The following KCNMA1 variants were observed in gnomAD, a reference collection of about 807,000 sequenced individuals.
The protein encoded by KCNMA1 is potassium calcium-activated channel subfamily M alpha 1.
Under a neutral mutation model 140.0 loss-of-function variants are expected in KCNMA1, and 29 were observed. The observed-to-expected ratio is 0.21, with a 90% CI of 0.15 to 0.28. The LOEUF (loss-of-function observed/expected upper bound fraction) is 0.28, where lower values mean the gene tolerates loss of function less well. Ranked by LOEUF, KCNMA1 falls within the 10% of genes least tolerant of loss-of-function variation. The pLI, the probability that KCNMA1 is intolerant of heterozygous loss-of-function variation, is 1.00. For missense variants in KCNMA1, 880 were observed against 1,602.2 expected (o/e 0.55, Z 7.70); for synonymous variants, 612 against 611.9 (o/e 1.00, Z 0.00).
intron 1 of KCNMA1, among the ~76,000 whole-genome samples, chr10:77,523,543 A>G (rs79759825): frequency 0.03 from 4,506 of 152,340 alleles, 243 homozygotes; most frequent in African/African-American, 0.1. Context: ...GATGCTGGAG[A>G]AGAGAAATGC....
chr10:77,611,043 T>C (rs914385704), intron 1 of KCNMA1, among the ~76,000 whole-genome samples: 3 of 152,184 alleles, frequency 2.0e-5, no homozygotes, highest in African/African-American at 4.8e-5. Flanking sequence ...TGTCTGTAAA[T>C]GGGGGTGATA....
chr10:77,008,994 C>A (rs547824334), intron 18 of KCNMA1, among the ~76,000 whole-genome samples: 2 of 152,228 alleles, frequency 1.3e-5, no homozygotes, highest in Non-Finnish European at 2.9e-5. Flanking sequence ...TCTAACCACC[C>A]CCTCACCTCA....
intron 22 of KCNMA1, among the ~76,000 whole-genome samples, chr10:76,945,501 C>T (rs1022635138): frequency 6.6e-6 from 1 of 151,820 alleles, no homozygotes; most frequent in African/African-American, 2.4e-5. Flanking sequence ...AATTTGGAGG[C>T]TATGGATGGA....
At chr10:77,412,840 CT>C (rs1363100652) in intron 1 of KCNMA1, among the ~76,000 whole-genome samples, 1 of 151,834 alleles carries the variant, frequency 6.6e-6, no homozygotes, top group Non-Finnish European at 1.5e-5. Context: ...CCCATGTTAG[CT>C]TTTTTTTGTT....
At chr10:77,342,755 G>A (rs193191371) in intron 2 of KCNMA1, among the ~76,000 whole-genome samples, 1 of 152,358 alleles carries the variant, frequency 6.6e-6, no homozygotes, top group East Asian at 1.9e-4. Context: ...GGTATAATCA[G>A]AAGCTAATGT....
intron 1 of KCNMA1, among the ~76,000 whole-genome samples, chr10:77,502,865 C>T (rs2044413685): frequency 2.0e-5 from 3 of 152,194 alleles, no homozygotes. Context: ...CTGGAAGTCA[C>T]TATAATAAAA....
intron 1 of KCNMA1, among the ~76,000 whole-genome samples, chr10:77,467,357 T>C (rs1364354727): frequency 6.6e-6 from 1 of 152,208 alleles, no homozygotes; most frequent in Non-Finnish European, 1.5e-5. Context: ...AAAGTCCGTC[T>C]CCGAAGCAGT....
At chr10:77,344,450 C>A (rs1014663064) in intron 2 of KCNMA1, among the ~76,000 whole-genome samples, 1 of 152,210 alleles carries the variant, frequency 6.6e-6, no homozygotes, top group Non-Finnish European at 1.5e-5. Context: ...ATTTGTGAGA[C>A]ATACTGATTC....
chr10:77,172,097 A>G (rs10509382), intron 5 of KCNMA1, among the ~76,000 whole-genome samples: 36,347 of 152,024 alleles, frequency 0.24, 5,559 homozygotes, highest in Non-Finnish European at 0.33. Flanking sequence ...TTTTCTCCCT[A>G]TCTGATCTGC....
chr10:77,318,440 C>T (rs1275765667), intron 2 of KCNMA1, among the ~76,000 whole-genome samples: 6 of 152,206 alleles, frequency 3.9e-5, no homozygotes, highest in African/African-American at 1.4e-4. Flanking sequence ...ACGGCTCACA[C>T]CACCATGGAC....
chr10:77,580,800 A>G (rs1467294566), intron 1 of KCNMA1, among the ~76,000 whole-genome samples: 3 of 152,244 alleles, frequency 2.0e-5, no homozygotes, highest in Non-Finnish European at 4.4e-5. Flanking sequence ...TCTTTTGCCA[A>G]TGACCCAAAA....
intron 12 of KCNMA1, among the ~76,000 whole-genome samples, chr10:77,083,712 A>G (rs2096632463): frequency 6.6e-6 from 1 of 151,752 alleles, no homozygotes; most frequent in Non-Finnish European, 1.5e-5. Flanking sequence ...GCACATTCCT[A>G]TAGCCTCGGC....
intron 19 of KCNMA1, chr10:76,995,852 A>G: frequency 2.7e-6 from 1 of 367,506 alleles, no homozygotes; most frequent in East Asian, 7.4e-5. Flanking sequence ...GTCCCTGGGA[A>G]GAAAGGTGTC....
chr10:77,195,641 C>T (rs546395423), intron 3 of KCNMA1, among the ~76,000 whole-genome samples: 38 of 152,044 alleles, frequency 2.5e-4, no homozygotes, highest in African/African-American at 8.2e-4. Context: ...TTTCCCCTGC[C>T]CATGTTTCAG....
At chr10:77,274,577 G>C (rs2066087053) in intron 2 of KCNMA1, among the ~76,000 whole-genome samples, 1 of 152,178 alleles carries the variant, frequency 6.6e-6, no homozygotes, top group Non-Finnish European at 1.5e-5. Flanking sequence ...GACACTAGCA[G>C]AGCTGCTGAA....
intron 2 of KCNMA1, among the ~76,000 whole-genome samples, chr10:77,315,066 A>G (rs1349224300): frequency 6.6e-6 from 1 of 152,216 alleles, no homozygotes; most frequent in Admixed American, 6.5e-5. Context: ...CCCATTAAAT[A>G]GATTTCACAA....
chr10:77,563,895 G>A (rs2154559393), intron 1 of KCNMA1, among the ~76,000 whole-genome samples: 1 of 152,340 alleles, frequency 6.6e-6, no homozygotes, highest in Non-Finnish European at 1.5e-5. Flanking sequence ...CCATAAGCAA[G>A]TCGTCTCTTG....
intron 1 of KCNMA1, among the ~76,000 whole-genome samples, chr10:77,419,811 C>A (rs149686368): frequency 5.3e-5 from 8 of 152,312 alleles, no homozygotes; most frequent in African/African-American, 1.9e-4. Flanking sequence ...CACCCTGTGT[C>A]ACAGCCCTGG....
chr10:77,381,837 A>G (rs2095397220), intron 2 of KCNMA1, among the ~76,000 whole-genome samples: 1 of 152,160 alleles, frequency 6.6e-6, no homozygotes, highest in Admixed American at 6.5e-5. Flanking sequence ...ACCCCTAAGA[A>G]GGTCATCAAG....
Sources: allele counts gnomAD v4.1 joint callset (sites outside exome capture counted in the v4.1 genomes callset), GRCh38; gene constraint gnomAD v4.1.1; transcripts MANE v1.5; gene names NCBI Gene and HGNC (gene_info 2026-07-23, HGNC 2026-07-21).